Variants in RUNX1T1 observed in about 807,000 individuals in gnomAD.
RUNX1T1 encodes the protein protein CBFA2T1.
In RUNX1T1, 4 loss-of-function variants were observed where a neutral mutation model predicts 62.8. The ratio of observed to expected loss-of-function variants is 0.06; its 90% CI spans 0.03 to 0.15. The LOEUF is 0.15. Among genes scored for constraint, RUNX1T1 ranks in the 10% least tolerant of loss-of-function variants. RUNX1T1 has a pLI of 1.00. For missense variants in RUNX1T1, 508 were observed against 754.3 expected (o/e 0.67, Z 3.82); for synonymous variants, 291 against 286.0 (o/e 1.02, Z -0.18).
chr8:91,957,894 A>G (rs1351505373), downstream of RUNX1T1: 1 of 222,016 alleles, frequency 4.5e-6, no homozygotes, highest in Non-Finnish European at 9.0e-6. Context: ...TTTGCTCATC[A>G]GAACTTTCTA....
intron 1 of RUNX1T1, among the ~76,000 whole-genome samples, chr8:92,081,457 C>T (rs1469404576): frequency 6.7e-6 from 1 of 150,296 alleles, no homozygotes; most frequent in Non-Finnish European, 1.5e-5. Flanking sequence ...GTCAACAAAA[C>T]CAAAATATGT....
upstream of RUNX1T1, among the ~76,000 whole-genome samples, chr8:92,100,895 G>A (rs1011436199): frequency 6.6e-6 from 1 of 152,206 alleles, no homozygotes; most frequent in Non-Finnish European, 1.5e-5. Flanking sequence ...GGTGTTTGGT[G>A]ACCTTTTCTA....
chr8:92,042,541 C>T (rs942926562), intron 1 of RUNX1T1, among the ~76,000 whole-genome samples: 5 of 152,044 alleles, frequency 3.3e-5, no homozygotes, highest in African/African-American at 9.7e-5. Flanking sequence ...AGGCTGGTTT[C>T]GAAGGGCCTC....
chr8:91,990,706 G>A (rs895087756), intron 6 of RUNX1T1, among the ~76,000 whole-genome samples: 5 of 151,334 alleles, frequency 3.3e-5, no homozygotes, highest in African/African-American at 1.2e-4. Context: ...TGCAGTGTGT[G>A]GGGTGCAGTG....
rs1462653609 is a variant in RUNX1T1, at chr8:92,095,382, C to A, written c.-86+4198G>T. The stretch of plus-strand genomic sequence containing the variant: ...AGGAGCGCGGGAGAGCGGCCGCGGC[C>A]GAGGCGGCACCCAGACCGCGGCTTT... On this transcript the variant is annotated intron_variant, in intron 1 of 11. Transcript: ENST00000265814. 8 of 1,535,264 alleles carry A rather than the reference C, an allele frequency of 5.2e-6. No homozygotes were observed. The African/African-American group carries it at 1.1e-4, about 21-fold the overall frequency.
chr8:92,014,509 T>C (rs1822615033), intron 3 of RUNX1T1, 70 bp downstream of exon 4: 2 of 1,403,182 alleles, frequency 1.4e-6, no homozygotes, highest in African/African-American at 2.9e-5. Context: ...GAACGGTGTC[T>C]ACATGTCTGA....
chr8:91,987,444 G>A (rs73696996), intron 6 of RUNX1T1, among the ~76,000 whole-genome samples: 3,925 of 152,178 alleles, frequency 0.026, 164 homozygotes, highest in African/African-American at 0.089. Flanking sequence ...TCAGCCTTGT[G>A]TAAATGAATA....
chr8:91,977,812 C>T (rs1429753390), intron 8 of RUNX1T1, among the ~76,000 whole-genome samples: 1 of 151,798 alleles, frequency 6.6e-6, no homozygotes, highest in African/African-American at 2.4e-5. Flanking sequence ...TTTTTTGAGA[C>T]GGAGTCATGC....
chr8:92,059,392 T>C (rs1361682990), intron 1 of RUNX1T1, among the ~76,000 whole-genome samples: 2 of 152,214 alleles, frequency 1.3e-5, no homozygotes, highest in Non-Finnish European at 2.9e-5. Context: ...TCCATGGCAA[T>C]TTCATTTCTG....
intron 4 of RUNX1T1, chr8:92,009,527 G>T (rs1311775242): frequency 1.3e-5 from 2 of 151,714 alleles, no homozygotes; most frequent in African/African-American, 4.8e-5. Flanking sequence ...AAGTGTCCTT[G>T]TAAGCTTTTT....
intron 1 of RUNX1T1, among the ~76,000 whole-genome samples, chr8:92,044,968 A>T (rs7002565): frequency 2.0e-5 from 3 of 151,774 alleles, no homozygotes; most frequent in African/African-American, 7.3e-5. Context: ...CAGGGGCCTA[A>T]GCCTGTAATC....
chr8:92,083,734 CAATCCCATTGCTGGGTA>C (rs1187392288), intron 1 of RUNX1T1, among the ~76,000 whole-genome samples: 12 of 152,188 alleles, frequency 7.9e-5, no homozygotes, highest in African/African-American at 2.9e-4. Flanking sequence ...TTTGACCCAG[CAATCCCATTGCTGGGTA>C]TATACCCAAA....
downstream of RUNX1T1, chr8:91,958,728 CAAA>C (rs34044770): frequency 0.16 from 21,163 of 130,480 alleles, 1,381 homozygotes; most frequent in African/African-American, 0.27. Context: ...AGAATTTGCT[CAAA>C]AAAAAAAAAA....
chr8:92,002,491 A>G (rs1563726007), intron 5 of RUNX1T1, among the ~76,000 whole-genome samples: 1 of 152,168 alleles, frequency 6.6e-6, no homozygotes, highest in Non-Finnish European at 1.5e-5. Context: ...TCCCTGAAAC[A>G]CATGATGACT....
chr8:92,019,761 T>A (rs1050848804), intron 1 of RUNX1T1, among the ~76,000 whole-genome samples: 4 of 152,248 alleles, frequency 2.6e-5, no homozygotes, highest in Admixed American at 2.0e-4. Flanking sequence ...TGTATTCCTA[T>A]CTTCTTCCCA....
At chr8:91,972,326 A>G (rs1361099624) in intron 9 of RUNX1T1, among the ~76,000 whole-genome samples, 1 of 152,126 alleles carries the variant, frequency 6.6e-6, no homozygotes, top group Non-Finnish European at 1.5e-5. Flanking sequence ...TAGCAGCATT[A>G]TATCTGAAGT....
At chr8:92,012,558 T>TA (rs563097749) in intron 3 of RUNX1T1, among the ~76,000 whole-genome samples, 4 of 151,006 alleles carry the variant, frequency 2.6e-5, no homozygotes, top group Admixed American at 6.6e-5. Flanking sequence ...AAAAAATTAC[T>TA]AAAAAAAAAT....
At chr8:91,974,404 G>C (rs1813483126) in intron 9 of RUNX1T1, among the ~76,000 whole-genome samples, 3 of 152,064 alleles carry the variant, frequency 2.0e-5, no homozygotes, top group African/African-American at 7.2e-5. Context: ...GATTACACAA[G>C]ACCTTACTGG....
At chr8:92,010,140 A>C (rs1821649321) in intron 4 of RUNX1T1, 1 of 152,210 alleles carries the variant, frequency 6.6e-6, no homozygotes. Flanking sequence ...AACCAGACAG[A>C]AAGGTAAATC....
Sources: gnomAD v4.1 joint callset for allele counts (sites outside exome capture counted in the v4.1 genomes callset) on GRCh38, gnomAD v4.1.1 for gene constraint, MANE v1.5 for transcripts, NCBI Gene and HGNC (gene_info 2026-07-23, HGNC 2026-07-21) for gene names.